PAX4: variants seen among roughly 807,000 people sequenced by gnomAD.
PAX4 encodes the protein paired box protein Pax-4.
PAX4 carries 33 observed loss-of-function variants against 40.6 expected under a neutral mutation model. That is an observed-to-expected ratio of 0.81 (90% confidence interval 0.62 to 1.09). The LOEUF (loss-of-function observed/expected upper bound fraction) is 1.09, where lower values mean the gene tolerates loss of function less well. Among genes scored for constraint, PAX4 ranks in the 50% least tolerant of loss-of-function variants. The pLI is 0.00. For missense variants in PAX4, 459 were observed against 442.5 expected, an observed-to-expected ratio of 1.04 and a Z score of -0.33; for synonymous variants, 174 against 170.6, an observed-to-expected ratio of 1.02 and a Z score of -0.16.
chr7:127,611,607 G>A lies in PAX4; in HGVS notation c.841C>T (p.Leu281=). Reference sequence around the variant, plus strand: ...CTTTCTGGTGCTGTTGCCCAGCACAGCTGATAGCAGGAGGGACCCAGTGGT... The same window carrying A: ...CTTTCTGGTGCTGTTGCCCAGCACAACTGATAGCAGGAGGGACCCAGTGGT... ...LEPLGPSCYQ[L]CWATAPERCL... The change falls in exon 11 of 12, where the codon CTG becomes TTG. Residue 281 remains leucine, a synonymous_variant. Coordinates refer to ENST00000639438, the MANE Select transcript of PAX4 (RefSeq NM_001366110.1). 6.2e-7 allele frequency: 1 copy of A among 1,613,918 alleles called. No homozygotes were observed. Among genetic ancestry groups the A allele is most frequent in the Non-Finnish European group, 8.5e-7 (1 of 1,179,964 alleles).
chr7:127,613,285 C>T (rs1314240953), intron 8 of PAX4, among the ~76,000 whole-genome samples, 165 bp downstream of exon 8: 2 of 152,198 alleles, frequency 1.3e-5, no homozygotes, highest in Admixed American at 6.5e-5. Context: ...GAGAGGAGAG[C>T]AGTCAGCAGA....
intron 4 of PAX4, 47 bp from the exon 5 acceptor site, chr7:127,615,142 G>A (rs777573970): frequency 1.2e-6 from 2 of 1,613,750 alleles, no homozygotes; most frequent in Non-Finnish European, 1.7e-6. Flanking sequence ...ATGGGCAGAA[G>A]GAAGGAGAGT....
chr7:127,613,647 C>T lies in PAX4; in HGVS notation c.562+109G>A, dbSNP rs556405587. The T allele has an allele frequency of 8.7e-6, 13 of 1,501,642 alleles. No homozygotes were observed. The Admixed American group carries it at 1.8e-4, about 20-fold the overall frequency. The allele number at this position is 1,501,642 out of a possible 1,614,324, so 93.0% of individuals were successfully genotyped here. On this transcript the variant is annotated intron_variant, in intron 7 of 11. Transcript: ENST00000639438. ...CCCCAAACTACCTTCCTCCTCAAGG[C>T]AGGGCCACTCACACCTGCACCTCTC... is the stretch of plus-strand genomic sequence containing the variant.
At chr7:127,615,191 A>T in intron 4 of PAX4, 96 bp from the exon 5 acceptor site, 1 of 1,604,742 alleles carries the variant, frequency 6.2e-7, no homozygotes, top group Non-Finnish European at 8.5e-7. Context: ...CAAAGCCAAG[A>T]CTTACTGGAC....
At chr7:127,615,560 C>G in intron 3 of PAX4, 29 bp from the exon 4 acceptor site, 1 of 1,612,822 alleles carries the variant, frequency 6.2e-7, no homozygotes, top group South Asian at 1.1e-5. Flanking sequence ...TATCCACACA[C>G]CACCTCTCCC....
At position 127,612,934 on chromosome 7, in the gene PAX4, AGGAT is replaced by A. The variant is rs376039555; in HGVS notation, c.715+84_715+87del. 0.066 allele frequency: 60,446 copies of A among 912,334 alleles called. 2,591 individuals carry two copies. Among genetic ancestry groups the A allele is most frequent in the African/African-American group, 0.15 (8,849 of 58,436 alleles). 56.5% of individuals were successfully genotyped at this position (912,334 alleles called of 1,614,324 possible). A position where few individuals can be genotyped will look rare whatever the true frequency, so the allele number is the denominator to read the frequency against. On this transcript the variant is annotated intron_variant, in intron 9 of 11. Coordinates refer to ENST00000639438, the MANE Select transcript of PAX4 (RefSeq NM_001366110.1). ...GATGGATAAATGGATGGACGAATGG[AGGAT>A]GGATGGATGGATGGATGGATGGATG...
chr7:127,611,279 G>T, intron 11 of PAX4, 73 bp from the exon 12 acceptor site: 2 of 1,411,162 alleles, frequency 1.4e-6, no homozygotes, highest in Non-Finnish European at 2.0e-6. Context: ...TGGGAGAGAG[G>T]CTGAGACATC....
At position 127,614,927 on chromosome 7, in the gene PAX4, G is replaced by A. The variant is rs144792551; in HGVS notation, c.313C>T (p.Arg105Cys). Residue 105 changes from arginine (R) to cysteine (C), a missense_variant, in exon 5 of 12, where the codon CGC becomes TGC. Transcript: ENST00000639438. ...CPALFAWEIQ[R>C]QLCAEGLCTQ... ...CAAAGCCCTTCAGCACAAAGCTGGC[G>A]TTGGATTTCCCAGGCAAAGAGGGCT... 1,814 of 1,614,152 alleles carry A rather than the reference G, an allele frequency of 1.1e-3. 3 individuals carry two copies. The highest frequency in any genetic ancestry group is 1.4e-3 in the South Asian group (123 of 91,080).
In PAX4 at chr7:127,612,462, AATGGGTGG is replaced by A. The variant is rs1180138616; in HGVS notation, c.716-470_716-463del. Among the ~76,000 whole-genome samples the A allele has an allele frequency of 8.0e-3, 1,104 of 137,162 alleles. 13 individuals are homozygous for A. The highest frequency in any genetic ancestry group is 0.031 in the African/African-American group (1,014 of 32,970). 90.0% of individuals were successfully genotyped at this position (137,162 alleles called of 152,430 possible). On this transcript the variant is annotated intron_variant, in intron 9 of 11. Transcript: ENST00000639438. Reference sequence around the variant, plus strand: ...AGATGCATGGATGGATGCATGAATGAATGGGTGGATGGATGGATGGATGGATGGATGGA... The same window carrying A: ...AGATGCATGGATGGATGCATGAATGAATGGATGGATGGATGGATGGATGGA...
At chr7:127,615,266 G>A (rs1019982549) in intron 4 of PAX4, 135 bp downstream of exon 4, 21 of 1,599,896 alleles carry the variant, frequency 1.3e-5, no homozygotes, top group Admixed American at 1.2e-4. Context: ...TTCAACCTCC[G>A]AGAGGATCTC....
Position 127,613,420 on chromosome 7 carries a change from G to T in PAX4, c.645+30C>A, listed in dbSNP as rs367652731. On this transcript the variant is annotated intron_variant, in intron 8 of 11. Transcript: ENST00000639438. ...GCCGGCCCAGACTCTTCCTCCTTGTGGTTTGTACAGTGTTGCAGAGCTCAC... is the reference window on the plus strand; with the variant it reads ...GCCGGCCCAGACTCTTCCTCCTTGTTGTTTGTACAGTGTTGCAGAGCTCAC... The T allele has an allele frequency of 1.0e-5, 16 of 1,604,192 alleles. No homozygotes were observed. The African/African-American group carries it at 2.1e-4, about 21-fold the overall frequency.
At chr7:127,614,834 G>A in intron 5 of PAX4, 46 bp downstream of exon 5, 2 of 1,595,058 alleles carry the variant, frequency 1.3e-6, no homozygotes, top group Non-Finnish European at 1.7e-6. Context: ...GTCTCCCCCA[G>A]AAAGCCTCTT....
At chr7:127,614,842 C>G in intron 5 of PAX4, 38 bp downstream of exon 5, 1 of 1,603,360 alleles carries the variant, frequency 6.2e-7, no homozygotes. Context: ...CAGAAAGCCT[C>G]TTTTCCAGCC....
Position 127,617,034 on chromosome 7 carries a change from G to A in PAX4, c.-100+241C>T, listed in dbSNP as rs186078853. 1.4e-4 allele frequency among the ~76,000 whole-genome samples: 21 copies of A among 152,278 alleles called. 1 individual carries two copies. The East Asian group carries it at 2.9e-3, about 21-fold the overall frequency. Reference sequence around the variant, plus strand: ...TGCACAGAACTTTCTTATAATAAGCGTGCCATCTGGGCTTAGTTAATTCAT... The same window carrying A: ...TGCACAGAACTTTCTTATAATAAGCATGCCATCTGGGCTTAGTTAATTCAT... On this transcript the variant is annotated intron_variant, in intron 2 of 11. Transcript: ENST00000639438.
chr7:127,611,059 C>T lies in PAX4; in HGVS notation c.*5G>A, dbSNP rs774356065. On this transcript the variant is annotated 3_prime_UTR_variant, in exon 12 of 12. Coordinates refer to ENST00000639438, the MANE Select transcript of PAX4 (RefSeq NM_001366110.1). ...TCTCTATGCCATCTCCTTCCCACTCCTGCCTCATTCCAAGCCATACAGTAG... is the reference window on the plus strand; with the variant it reads ...TCTCTATGCCATCTCCTTCCCACTCTTGCCTCATTCCAAGCCATACAGTAG... The T allele has an allele frequency of 1.2e-6, 2 of 1,601,814 alleles. No individual in the cohort carries two copies. The highest frequency in any genetic ancestry group is 8.5e-7 in the Non-Finnish European group (1 of 1,172,996).
At chr7:127,613,256 A>C (rs1794665918) in intron 8 of PAX4, among the ~76,000 whole-genome samples, 165 bp from the exon 9 acceptor site, 1 of 152,138 alleles carries the variant, frequency 6.6e-6, no homozygotes. Context: ...TCCTCAACTC[A>C]AAGGTTTGGG....
In PAX4 at chr7:127,610,988, G is replaced by A; in HGVS notation, c.*76C>T. The A allele has an allele frequency of 6.4e-7, 1 of 1,553,680 alleles. No homozygotes were observed. ...AGGAAGGAGGAAGGAGCCACAGTCT[G>A]TATGGGCAGGACGGTAAGGACAATG... is the stretch of plus-strand genomic sequence containing the variant. On this transcript the variant is annotated 3_prime_UTR_variant, in exon 12 of 12. Coordinates refer to ENST00000639438, the MANE Select transcript of PAX4 (RefSeq NM_001366110.1).
intron 1 of PAX4, among the ~76,000 whole-genome samples, chr7:127,617,612 C>T (rs1050154748): frequency 1.2e-4 from 18 of 152,246 alleles, no homozygotes; most frequent in African/African-American, 4.3e-4. Flanking sequence ...TCAGCCAAAC[C>T]CTAAATCCTT....
intron 9 of PAX4, 139 bp downstream of exon 9, chr7:127,612,883 T>C (rs1794657568): frequency 2.8e-6 from 2 of 701,822 alleles, no homozygotes; most frequent in African/African-American, 1.7e-5. Context: ...GATGAATGGA[T>C]GAATGGATGG....
Sources: gnomAD v4.1 joint callset for allele counts (sites outside exome capture counted in the v4.1 genomes callset) on GRCh38, gnomAD v4.1.1 for gene constraint, MANE v1.5 for transcripts, NCBI Gene and HGNC (gene_info 2026-07-23, HGNC 2026-07-21) for gene names.